TTC34: variants seen among roughly 807,000 people sequenced by gnomAD.
TTC34 encodes the protein tetratricopeptide repeat domain 34, also known as tetratricopeptide repeat protein 34.
In TTC34, 44 loss-of-function variants were observed where a neutral mutation model predicts 40.7. The observed-to-expected ratio is 1.08, with a 90% confidence interval of 0.85 to 1.39. The LOEUF is 1.39. TTC34 is among the 40% of genes most tolerant of loss of function. TTC34 has a pLI of 0.00. For missense variants in TTC34, 884 were observed against 838.0 expected, an observed-to-expected ratio of 1.05 and a Z score of -0.68; for synonymous variants, 422 against 398.6, an observed-to-expected ratio of 1.06 and a Z score of -0.70.
chr1:2,683,389 C>T (rs561848784), intron 6 of TTC34, among the ~76,000 whole-genome samples: 1 of 132,828 alleles, frequency 7.5e-6, no homozygotes, highest in African/African-American at 2.9e-5. Context: ...ACAGCACCCA[C>T]ACGCCCAGGT....
intron 6 of TTC34, among the ~76,000 whole-genome samples, chr1:2,651,863 G>T (rs1639144043): frequency 6.6e-6 from 1 of 151,816 alleles, no homozygotes; most frequent in African/African-American, 2.4e-5. Flanking sequence ...GCCTCTGATG[G>T]ACTCAAACAA....
At chr1:2,684,190 TCA>T (rs1640212168) in intron 6 of TTC34, among the ~76,000 whole-genome samples, 1 of 39,558 alleles carries the variant, frequency 2.5e-5, no homozygotes, top group Non-Finnish European at 6.3e-5. Flanking sequence ...GGAGCAACAC[TCA>T]CACCCCCAGG....
At chr1:2,644,393 C>G in exon 8 of TTC34, 2 of 1,535,992 alleles carry the variant, frequency 1.3e-6, no homozygotes, top group Non-Finnish European at 1.7e-6. Flanking sequence ...TGAGCTGGAG[C>G]AGGCCCAGCC....
chr1:2,786,169 GCC>G, intron 4 of TTC34, 146 bp from the exon 5 acceptor site: 1 of 691,992 alleles, frequency 1.4e-6, no homozygotes, highest in Admixed American at 4.0e-5. Flanking sequence ...CACCCTTGCT[GCC>G]CCACGGCTCA....
At chr1:2,779,003 G>A (rs1643425352) in intron 6 of TTC34, among the ~76,000 whole-genome samples, 1 of 152,054 alleles carries the variant, frequency 6.6e-6, no homozygotes, top group Non-Finnish European at 1.5e-5. Context: ...TTCATATAAG[G>A]GAAATCACAC....
intron 6 of TTC34, among the ~76,000 whole-genome samples, chr1:2,692,569 G>A (rs1640673485): frequency 6.7e-6 from 1 of 149,366 alleles, no homozygotes. Context: ...CGGACGGCCT[G>A]GAACAGCACC....
chr1:2,775,787 G>A lies in TTC34; in HGVS notation c.2226+7822C>T, dbSNP rs1373600400. 2.7e-5 allele frequency among the ~76,000 whole-genome samples: 4 copies of A among 145,572 alleles called. No individual in the cohort carries two copies. The East Asian group carries it at 8.1e-4, about 29-fold the overall frequency. On this transcript the variant is annotated intron_variant, in intron 6 of 8. Transcript: ENST00000401095. ...AATCTGAAAGCCTGGATCAACACTC[G>A]AATCTTCAGGTGAGCATCTGACAGC...
chr1:2,780,818 A>T (rs1429433141), intron 6 of TTC34, among the ~76,000 whole-genome samples: 1 of 152,150 alleles, frequency 6.6e-6, no homozygotes, highest in Admixed American at 6.5e-5. Flanking sequence ...TTTGACAGAG[A>T]TTGCATTGAA....
In TTC34 at chr1:2,800,761, C is replaced by A. The variant is rs1454714718; in HGVS notation, c.67G>T (p.Glu23Ter). ...TAGAAGGCGGTGGCCAGGGGCAGCT[C>A]CCCCAGCGCCAGATGCTGCTCCCCC... The change falls in exon 2 of 9, where the codon GAG (glutamate) becomes TAG (stop). Residue 23 changes from glutamate (E) to a stop codon, truncating the protein, a stop_gained. Coordinates refer to ENST00000401095, the Ensembl canonical transcript of TTC34. LOFTEE classifies it high-confidence loss of function. The A allele has an allele frequency of 7.5e-6, 3 of 398,998 alleles. No individual in the cohort carries two copies. Among genetic ancestry groups the A allele is most frequent in the Non-Finnish European group, 1.3e-5 (3 of 226,512 alleles). The allele number at this position is 398,998 out of a possible 1,614,324, so 24.7% of individuals were successfully genotyped here.
intron 6 of TTC34, among the ~76,000 whole-genome samples, chr1:2,759,806 G>A (rs1641634074): frequency 6.8e-6 from 1 of 146,872 alleles, no homozygotes. Flanking sequence ...ACACTCCCAG[G>A]CGAGCATCTG....
intron 6 of TTC34, among the ~76,000 whole-genome samples, chr1:2,752,454 C>G (rs1343973532): frequency 2.6e-5 from 3 of 116,662 alleles, no homozygotes; most frequent in Non-Finnish European, 5.3e-5. Flanking sequence ...CCCTGCACCC[C>G]CAGGTGCGCA....
intron 6 of TTC34, among the ~76,000 whole-genome samples, chr1:2,687,872 G>A (rs1250258776): frequency 3.5e-5 from 5 of 144,382 alleles, no homozygotes; most frequent in South Asian, 2.2e-4. Context: ...TGACAGCCTG[G>A]AACAGAACCC....
intron 8 of TTC34, among the ~76,000 whole-genome samples, chr1:2,642,787 C>A (rs1557578461): frequency 6.6e-6 from 1 of 152,224 alleles, no homozygotes; most frequent in African/African-American, 2.4e-5. Context: ...CCAGGCTTGG[C>A]CGCACGGGGC....
rs200851641 is a variant in TTC34, at chr1:2,687,184, C to G, written c.2227-41621G>C. Among the ~76,000 whole-genome samples the G allele has an allele frequency of 9.1e-5, 9 of 99,118 alleles. No homozygotes were observed. The East Asian group carries it at 2.3e-3, about 25-fold the overall frequency. The allele number at this position is 99,118 out of a possible 152,430, so 65.0% of individuals were successfully genotyped here. On this transcript the variant is annotated intron_variant, in intron 6 of 8. Coordinates refer to ENST00000401095, the Ensembl canonical transcript of TTC34. ...CCACACACACAGGCGAGCATCTGAACCCACGGAGCAGCACCCACACCTCCC... is the reference window on the plus strand; with the variant it reads ...CCACACACACAGGCGAGCATCTGAAGCCACGGAGCAGCACCCACACCTCCC...
At chr1:2,683,257 A>T (rs373728551) in intron 6 of TTC34, among the ~76,000 whole-genome samples, 3 of 150,048 alleles carry the variant, frequency 2.0e-5, no homozygotes, top group African/African-American at 7.4e-5. Context: ...GATGGTTTGC[A>T]GCAGCACCCA....
intron 2 of TTC34, among the ~76,000 whole-genome samples, chr1:2,798,243 C>T (rs1394265984): frequency 1.0e-5 from 1 of 97,780 alleles, no homozygotes; most frequent in Non-Finnish European, 2.2e-5. Flanking sequence ...CCCAGCCTCT[C>T]AGCCCCTCAG....
At chr1:2,637,494 G>C (rs1638816069) in exon 9 of TTC34, 1 of 152,268 alleles carries the variant, frequency 6.6e-6, no homozygotes, top group South Asian at 2.1e-4. Flanking sequence ...CCGATCTCCT[G>C]GCCAGTGGGA....
chr1:2,759,716 C>A (rs1397992860), intron 6 of TTC34, among the ~76,000 whole-genome samples: 5 of 85,304 alleles, frequency 5.9e-5, no homozygotes, highest in Admixed American at 2.1e-4. Context: ...GCAGGACCCA[C>A]ACCCCGAGGT....
chr1:2,651,033 G>C (rs1363581944), intron 6 of TTC34, among the ~76,000 whole-genome samples: 3 of 148,774 alleles, frequency 2.0e-5, no homozygotes, highest in Non-Finnish European at 4.5e-5. Flanking sequence ...CACGCCTTCG[G>C]GGGGGCATCT....
Sources: gnomAD v4.1 joint callset for allele counts (sites outside exome capture counted in the v4.1 genomes callset) on GRCh38, gnomAD v4.1.1 for gene constraint, MANE v1.5 for transcripts, NCBI Gene and HGNC (gene_info 2026-07-23, HGNC 2026-07-21) for gene names.